Variants in SPAG16 observed in about 807,000 individuals in gnomAD.
SPAG16 encodes sperm associated antigen 16.
A neutral mutation model predicts 80.4 loss-of-function variants in SPAG16; 86 were observed. That is an observed-to-expected ratio of 1.07 (90% CI 0.90 to 1.28). The LOEUF is 1.28. SPAG16 is among the 50% of genes most tolerant of loss of function. SPAG16 has a pLI of 0.00. For missense variants in SPAG16, 870 were observed against 765.3 expected, an observed-to-expected ratio of 1.14 and a Z score of -1.61; for synonymous variants, 294 against 265.9, an observed-to-expected ratio of 1.11 and a Z score of -1.03.
intron 9 of SPAG16, among the ~76,000 whole-genome samples, chr2:213,447,753 A>G (rs913214512): frequency 1.3e-5 from 2 of 152,228 alleles, no homozygotes; most frequent in East Asian, 1.9e-4. Context: ...ACTTTGGACG[A>G]ATAATCAAAC....
chr2:213,397,684 G>A (rs775497713), intron 9 of SPAG16, among the ~76,000 whole-genome samples: 3 of 152,016 alleles, frequency 2.0e-5, no homozygotes, highest in Non-Finnish European at 4.4e-5. Context: ...CCTAGGCCTT[G>A]TTATTGCAAG....
At chr2:214,107,251 C>T (rs2053431895) in intron 13 of SPAG16, among the ~76,000 whole-genome samples, 1 of 152,130 alleles carries the variant, frequency 6.6e-6, no homozygotes, top group Non-Finnish European at 1.5e-5. Context: ...AATATAAGGT[C>T]CGTGAGAATA....
intron 5 of SPAG16, among the ~76,000 whole-genome samples, chr2:213,330,706 A>G (rs2064059287): frequency 6.6e-6 from 1 of 152,140 alleles, no homozygotes; most frequent in African/African-American, 2.4e-5. Flanking sequence ...GTGTTTTGCA[A>G]TGTAAAACAT....
chr2:213,513,708 G>A (rs570277461), intron 10 of SPAG16, among the ~76,000 whole-genome samples: 6 of 152,250 alleles, frequency 3.9e-5, no homozygotes, highest in South Asian at 2.1e-4. Context: ...AGCACATAGC[G>A]GAATCTCTGT....
intron 8 of SPAG16, among the ~76,000 whole-genome samples, chr2:213,368,135 C>G (rs1349364695): frequency 2.0e-5 from 3 of 151,952 alleles, no homozygotes; most frequent in Non-Finnish European, 4.4e-5. Flanking sequence ...CTGTTCTGTT[C>G]CATTGGTCTA....
At chr2:213,545,229 C>A (rs2076575331) in intron 10 of SPAG16, among the ~76,000 whole-genome samples, 1 of 152,090 alleles carries the variant, frequency 6.6e-6, no homozygotes, top group Admixed American at 6.6e-5. Context: ...TGATGTAGAA[C>A]ATCATTTCAT....
At chr2:213,976,129 TATATATACAC>T (rs913641449) in intron 12 of SPAG16, among the ~76,000 whole-genome samples, 7 of 104,650 alleles carry the variant, frequency 6.7e-5, no homozygotes, top group Non-Finnish European at 1.1e-4. Context: ...TATATATATA[TATATATACAC>T]ACACACACAC....
chr2:213,472,453 G>A (rs1208526604), intron 9 of SPAG16, among the ~76,000 whole-genome samples: 1 of 152,132 alleles, frequency 6.6e-6, no homozygotes. Context: ...ACAGGAATGT[G>A]GTGGGAATCA....
intron 15 of SPAG16, among the ~76,000 whole-genome samples, chr2:214,281,643 T>C (rs1335924980): frequency 6.6e-6 from 1 of 152,172 alleles, no homozygotes; most frequent in African/African-American, 2.4e-5. Flanking sequence ...TTTAACAGTT[T>C]TTTAGAAAGT....
At chr2:213,483,735 C>T (rs1328288553) in intron 9 of SPAG16, among the ~76,000 whole-genome samples, 2 of 152,114 alleles carry the variant, frequency 1.3e-5, no homozygotes, top group African/African-American at 2.4e-5. Context: ...AATTGACTAA[C>T]GGGAGTTTGT....
chr2:214,051,583 T>C (rs1237328675), intron 13 of SPAG16, among the ~76,000 whole-genome samples: 1 of 152,234 alleles, frequency 6.6e-6, no homozygotes, highest in Non-Finnish European at 1.5e-5. Flanking sequence ...GCACTACCCC[T>C]GCTGTCTGTC....
At chr2:214,015,880 T>A (rs1024747967) in intron 13 of SPAG16, among the ~76,000 whole-genome samples, 1 of 152,102 alleles carries the variant, frequency 6.6e-6, no homozygotes, top group African/African-American at 2.4e-5. Flanking sequence ...ATGTGAGGAA[T>A]CTAATATAAC....
At chr2:213,716,792 A>G (rs934632903) in intron 10 of SPAG16, among the ~76,000 whole-genome samples, 3 of 152,192 alleles carry the variant, frequency 2.0e-5, no homozygotes, top group African/African-American at 7.2e-5. Flanking sequence ...TGCTATCGGT[A>G]GGACCTGGAG....
intron 13 of SPAG16, among the ~76,000 whole-genome samples, chr2:214,050,708 C>G (rs1191306468): frequency 6.6e-6 from 1 of 152,264 alleles, no homozygotes. Flanking sequence ...AATTCCAGAT[C>G]TATATACAGT....
intron 9 of SPAG16, among the ~76,000 whole-genome samples, chr2:213,425,991 G>T (rs546630514): frequency 6.6e-6 from 1 of 152,164 alleles, no homozygotes; most frequent in Middle Eastern, 3.4e-3. Context: ...ACCAATATGT[G>T]TTATCATATT....
intron 15 of SPAG16, among the ~76,000 whole-genome samples, chr2:214,169,530 T>A (rs1287356529): frequency 6.6e-6 from 1 of 152,052 alleles, no homozygotes; most frequent in Admixed American, 6.6e-5. Flanking sequence ...TTGAAGAGAT[T>A]AGCCCCATTG....
intron 10 of SPAG16, among the ~76,000 whole-genome samples, chr2:213,577,543 A>G (rs924404451): frequency 2.6e-5 from 4 of 152,126 alleles, no homozygotes; most frequent in African/African-American, 7.2e-5. Flanking sequence ...ACTATTCCAA[A>G]GTCTGTACTG....
At chr2:213,311,389 A>G (rs183718467) in intron 4 of SPAG16, among the ~76,000 whole-genome samples, 1 of 151,864 alleles carries the variant, frequency 6.6e-6, no homozygotes, top group African/African-American at 2.4e-5. Flanking sequence ...AGGACATGTG[A>G]TGCTTATATG....
intron 10 of SPAG16, among the ~76,000 whole-genome samples, chr2:213,845,841 T>C (rs944127385): frequency 2.0e-5 from 3 of 152,082 alleles, no homozygotes; most frequent in Non-Finnish European, 4.4e-5. Context: ...GTGGATCAGC[T>C]GGTTTGGTTT....
Sources: allele counts gnomAD v4.1 joint callset (sites outside exome capture counted in the v4.1 genomes callset), GRCh38; gene constraint gnomAD v4.1.1; transcripts MANE v1.5; gene names NCBI Gene and HGNC (gene_info 2026-07-23, HGNC 2026-07-21).